ANAPC10: variants seen among roughly 807,000 people sequenced by gnomAD.
ANAPC10 encodes anaphase-promoting complex subunit 10.
ANAPC10 carries 12 observed loss-of-function variants against 22.0 expected under a neutral mutation model. The ratio of observed to expected loss-of-function variants is 0.55; its 90% CI spans 0.35 to 0.88. The LOEUF is 0.88. ANAPC10 is among the 40% of genes least tolerant of loss of function. The probability of loss-of-function intolerance (pLI) is 0.01; values close to 1 mark genes in which losing one functional copy is unlikely to be tolerated. For missense variants in ANAPC10, 188 were observed against 220.9 expected (o/e 0.85, Z 0.94); for synonymous variants, 65 against 69.5 (o/e 0.94, Z 0.32).
chr4:145,029,445 G>T (rs887201650), intron 4 of ANAPC10, among the ~76,000 whole-genome samples: 35 of 152,004 alleles, frequency 2.3e-4, no homozygotes, highest in Admixed American at 2.2e-3. Context: ...TCCATGAGGA[G>T]GTGCACTACA....
At chr4:145,046,894 A>T (rs1331731912) in intron 4 of ANAPC10, among the ~76,000 whole-genome samples, 4 of 152,124 alleles carry the variant, frequency 2.6e-5, no homozygotes, top group African/African-American at 9.7e-5. Flanking sequence ...CATAAGACAC[A>T]TTTATCTAGC....
chr4:145,026,957 G>GTGTGTGTA lies in ANAPC10; in HGVS notation c.328-31355_328-31354insTACACACA, dbSNP rs1343774253. 2.3e-3 allele frequency among the ~76,000 whole-genome samples: 42 copies of GTGTGTGTA among 18,338 alleles called. 2 individuals are homozygous for GTGTGTGTA. Among genetic ancestry groups the GTGTGTGTA allele is most frequent in the African/African-American group, 5.8e-3 (20 of 3,456 alleles). 12.0% of individuals were successfully genotyped at this position (18,338 alleles called of 152,430 possible). ...TATATATATATATATGTGTGTGTGT[G>GTGTGTGTA]TATATATATATATATATATATATAT... On this transcript the variant is annotated intron_variant, in intron 4 of 4. Coordinates refer to ENST00000507656, the MANE Select transcript of ANAPC10 (RefSeq NM_001256706.2).
intron 4 of ANAPC10, among the ~76,000 whole-genome samples, chr4:145,017,474 G>T (rs1468292067): frequency 6.6e-6 from 1 of 152,136 alleles, no homozygotes; most frequent in Admixed American, 6.5e-5. Context: ...GAAACAACAG[G>T]TGCTGGAGAG....
At chr4:145,069,708 T>C (rs1488311644) in intron 3 of ANAPC10, among the ~76,000 whole-genome samples, 2 of 152,168 alleles carry the variant, frequency 1.3e-5, no homozygotes, top group Non-Finnish European at 2.9e-5. Context: ...AGGTCAGAAC[T>C]ATTTTCTTAA....
intron 3 of ANAPC10, among the ~76,000 whole-genome samples, chr4:145,071,920 A>G (rs1744542191): frequency 6.6e-6 from 1 of 152,154 alleles, no homozygotes. Context: ...ACAAATGGCA[A>G]TTACAGACTT....
Position 145,072,825 on chromosome 4 carries a change from T to C in ANAPC10, c.207-8133A>G, listed in dbSNP as rs368383718. Among the ~76,000 whole-genome samples, 11 of 152,298 alleles carry C rather than the reference T, an allele frequency of 7.2e-5. No homozygotes were observed. The East Asian group carries it at 2.1e-3, about 29-fold the overall frequency. ...TAGTAAAGTCCAATGAATATCTAGT[T>C]GAGTCTAATGATTTCTAATGTATTC... is the stretch of plus-strand genomic sequence containing the variant. On this transcript the variant is annotated intron_variant, in intron 3 of 4. Transcript: ENST00000507656.
intron 3 of ANAPC10, among the ~76,000 whole-genome samples, chr4:145,076,345 C>G (rs190177337): frequency 2.0e-4 from 31 of 152,288 alleles, no homozygotes; most frequent in African/African-American, 7.5e-4. Context: ...AGCCTTGGTA[C>G]CCTGAAATCA....
At chr4:145,080,690 A>C (rs1406340345) in intron 3 of ANAPC10, among the ~76,000 whole-genome samples, 2 of 151,918 alleles carry the variant, frequency 1.3e-5, no homozygotes, top group African/African-American at 4.8e-5. Context: ...GGGTTGAATC[A>C]CAAGGTCAGG....
chr4:145,065,973 A>G (rs1743612367), intron 3 of ANAPC10, among the ~76,000 whole-genome samples: 1 of 151,958 alleles, frequency 6.6e-6, no homozygotes, highest in East Asian at 1.9e-4. Context: ...CTATTTGGCC[A>G]CCAGGAAAAA....
At chr4:145,007,753 CA>C (rs1733624956) in intron 4 of ANAPC10, among the ~76,000 whole-genome samples, 2 of 151,320 alleles carry the variant, frequency 1.3e-5, no homozygotes, top group South Asian at 4.2e-4. Flanking sequence ...ACAATAACAT[CA>C]CAATTAAAAG....
chr4:145,004,669 C>A (rs182519949), intron 4 of ANAPC10, among the ~76,000 whole-genome samples: 1 of 152,214 alleles, frequency 6.6e-6, no homozygotes, highest in East Asian at 1.9e-4. Context: ...ATGTGTTGAA[C>A]CAACTTTGTA....
intron 4 of ANAPC10, among the ~76,000 whole-genome samples, chr4:145,034,968 T>C (rs879542455): frequency 6.6e-6 from 1 of 152,204 alleles, no homozygotes; most frequent in African/African-American, 2.4e-5. Context: ...AGTCAGTTAC[T>C]GTTTGTGGGC....
intron 4 of ANAPC10, among the ~76,000 whole-genome samples, chr4:145,006,273 G>A (rs536586771): frequency 6.6e-6 from 1 of 152,052 alleles, no homozygotes; most frequent in South Asian, 2.1e-4. Context: ...TAGCAACCCA[G>A]ACTTTTTATC....
At chr4:145,047,608 T>TC (rs1487143421) in intron 4 of ANAPC10, among the ~76,000 whole-genome samples, 3 of 152,092 alleles carry the variant, frequency 2.0e-5, no homozygotes, top group Non-Finnish European at 4.4e-5. Flanking sequence ...CAGGAACACT[T>TC]CTCAATGCCT....
At chr4:145,036,179 T>C (rs760275089) in intron 4 of ANAPC10, among the ~76,000 whole-genome samples, 10 of 152,130 alleles carry the variant, frequency 6.6e-5, no homozygotes, top group Non-Finnish European at 1.0e-4. Context: ...ACATGCATAA[T>C]GATTTCAGCA....
chr4:145,057,464 T>C (rs1348480813), intron 4 of ANAPC10, among the ~76,000 whole-genome samples: 1 of 152,174 alleles, frequency 6.6e-6, no homozygotes, highest in Admixed American at 6.5e-5. Context: ...CTTTCTTCAC[T>C]GGATAACCTT....
At chr4:145,060,678 T>A (rs1176389760) in intron 4 of ANAPC10, among the ~76,000 whole-genome samples, 1 of 152,066 alleles carries the variant, frequency 6.6e-6, no homozygotes, top group African/African-American at 2.4e-5. Flanking sequence ...TAGGTGGATT[T>A]TCCACTCAGT....
chr4:145,058,613 T>C (rs1411338260), intron 4 of ANAPC10, among the ~76,000 whole-genome samples: 2 of 152,170 alleles, frequency 1.3e-5, no homozygotes, highest in African/African-American at 4.8e-5. Flanking sequence ...CATGAATCTG[T>C]TTTGTATGAA....
At chr4:145,031,145 C>G (rs1737515129) in intron 4 of ANAPC10, among the ~76,000 whole-genome samples, 1 of 152,206 alleles carries the variant, frequency 6.6e-6, no homozygotes, top group South Asian at 2.1e-4. Flanking sequence ...ACTGTCCTAC[C>G]TCACGGGTAT....
Sources: allele counts gnomAD v4.1 joint callset (sites outside exome capture counted in the v4.1 genomes callset), GRCh38; gene constraint gnomAD v4.1.1; transcripts MANE v1.5; gene names NCBI Gene and HGNC (gene_info 2026-07-23, HGNC 2026-07-21).